PTPRN2: variants seen among roughly 807,000 people sequenced by gnomAD.
PTPRN2 encodes receptor-type tyrosine-protein phosphatase N2.
A neutral mutation model predicts 118.8 loss-of-function variants in PTPRN2; 74 were observed. The observed-to-expected ratio is 0.62, with a 90% CI of 0.52 to 0.76. The LOEUF (loss-of-function observed/expected upper bound fraction) is 0.76. Ranked by LOEUF, PTPRN2 falls within the 30% of genes least tolerant of loss-of-function variation. PTPRN2 has a pLI of 0.00. For synonymous variants in PTPRN2, 641 were observed against 608.0 expected (o/e 1.05, Z -0.80); for missense variants, 1,481 against 1,394.4 (o/e 1.06, Z -0.99).
At chr7:158,110,009 A>G (rs12698151) in intron 10 of PTPRN2, among the ~76,000 whole-genome samples, 1 of 76,674 alleles carries the variant, frequency 1.3e-5, no homozygotes, top group African/African-American at 3.4e-5. Flanking sequence ...GTGTGAAGGG[A>G]CCAGTGAGTG....
chr7:157,919,399 A>G (rs6970590), intron 11 of PTPRN2, among the ~76,000 whole-genome samples: 103,790 of 151,526 alleles, frequency 0.68, 36,511 homozygotes, highest in Admixed American at 0.79. Context: ...TGTGGGAGAT[A>G]CCGAAATGAT....
chr7:157,655,804 C>T (rs1176166391), intron 14 of PTPRN2, among the ~76,000 whole-genome samples: 3 of 152,114 alleles, frequency 2.0e-5, no homozygotes, highest in Non-Finnish European at 4.4e-5. Flanking sequence ...CGGCCACACA[C>T]GCGTGATCAC....
At chr7:158,261,552 G>C (rs1241427958) in intron 3 of PTPRN2, among the ~76,000 whole-genome samples, 1 of 152,176 alleles carries the variant, frequency 6.6e-6, no homozygotes, top group African/African-American at 2.4e-5. Flanking sequence ...CTGCCAGTTA[G>C]AGACAGAGGC....
rs145277141 is a variant in PTPRN2 at position 158,236,138 on chromosome 7, C to T, written c.278-30865G>A. On this transcript the variant is annotated intron_variant, in intron 3 of 22. Transcript: ENST00000389418. ...AGTAGATCCCAGGCACCATCACCATCGTCCTTGCCATTGCTGGCCGTCATC... is the reference window on the plus strand; with the variant it reads ...AGTAGATCCCAGGCACCATCACCATTGTCCTTGCCATTGCTGGCCGTCATC... Among the ~76,000 whole-genome samples, 436 of 152,314 alleles carry T rather than the reference C, an allele frequency of 2.9e-3. 5 individuals carry two copies. The highest frequency in any genetic ancestry group is 9.9e-3 in the African/African-American group (413 of 41,584).
rs932075014 is a variant in PTPRN2, at chr7:157,974,167, G to A, written c.1724-75430C>T. Among the ~76,000 whole-genome samples, 4 of 152,194 alleles carry A rather than the reference G, an allele frequency of 2.6e-5. No individual in the cohort carries two copies. The highest frequency in any genetic ancestry group is 6.5e-5 in the Admixed American group (1 of 15,288). On this transcript the variant is annotated intron_variant, in intron 11 of 22. Coordinates refer to ENST00000389418, the MANE Select transcript of PTPRN2 (RefSeq NM_002847.5). This position sits in a 1 kb window ranked among gnomAD's most constrained non-coding sequence, Gnocchi z 4.0. ...TCATGAGCGCCGGCCCTGCGGATCC[G>A]GCGATGATCATTGTGGAAAGAATGG...
chr7:158,001,368 T>C (rs887351036), intron 11 of PTPRN2, among the ~76,000 whole-genome samples: 7 of 151,968 alleles, frequency 4.6e-5, no homozygotes, highest in African/African-American at 1.7e-4. Flanking sequence ...AACCCAGAGG[T>C]AGAGTTCACG....
chr7:157,638,713 G>A (rs1804481688), intron 14 of PTPRN2, among the ~76,000 whole-genome samples: 1 of 152,264 alleles, frequency 6.6e-6, no homozygotes, highest in Non-Finnish European at 1.5e-5. Context: ...AGGGTTTGGA[G>A]GGTGAGGTGG....
intron 5 of PTPRN2, among the ~76,000 whole-genome samples, chr7:158,183,592 G>A (rs1313979958): frequency 2.0e-5 from 3 of 152,206 alleles, no homozygotes; most frequent in East Asian, 1.9e-4. Context: ...CTGGAGACTG[G>A]GAATGCACAC....
chr7:158,203,137 C>A (rs1437481403), intron 4 of PTPRN2, among the ~76,000 whole-genome samples: 1 of 138,030 alleles, frequency 7.2e-6, no homozygotes, highest in Non-Finnish European at 1.5e-5. Context: ...GAGGCTGAGG[C>A]AAGAGAATTG....
At chr7:158,107,115 C>T (rs1259388963) in intron 10 of PTPRN2, among the ~76,000 whole-genome samples, 5 of 152,128 alleles carry the variant, frequency 3.3e-5, no homozygotes, top group Non-Finnish European at 5.9e-5. Context: ...TAAGGGTCCA[C>T]GTGCCCCACA....
rs13225634 is a variant in PTPRN2, at chr7:157,725,610, C to G, written c.1789-42673G>C. Among the ~76,000 whole-genome samples the G allele has an allele frequency of 4.6e-3, 474 of 102,320 alleles. 2 individuals carry two copies. Among genetic ancestry groups the G allele is most frequent in the African/African-American group, 0.012 (304 of 24,938 alleles). 67.1% of individuals were successfully genotyped at this position (102,320 alleles called of 152,430 possible). The stretch of plus-strand genomic sequence containing the variant: ...TCCCAGGAGAACTGGATACCTACAC[C>G]CAGAGGAGTGTGGCCATACCCTCGC... On this transcript the variant is annotated intron_variant, in intron 12 of 22. Coordinates refer to ENST00000389418, the MANE Select transcript of PTPRN2 (RefSeq NM_002847.5).
At chr7:158,443,742 G>A (rs552567985) in intron 2 of PTPRN2, among the ~76,000 whole-genome samples, 2 of 152,314 alleles carry the variant, frequency 1.3e-5, no homozygotes, top group South Asian at 4.1e-4. Flanking sequence ...ACTCAGCAGG[G>A]AGGGTTCCAA....
chr7:157,549,321 TC>T (rs1245185886), intron 21 of PTPRN2, among the ~76,000 whole-genome samples: 29 of 125,614 alleles, frequency 2.3e-4, no homozygotes, highest in African/African-American at 6.8e-4. Context: ...TTCTTTCTTT[TC>T]TTTTTTTTTT....
chr7:158,512,266 A>G (rs1823234064), intron 1 of PTPRN2, among the ~76,000 whole-genome samples: 2 of 152,214 alleles, frequency 1.3e-5, no homozygotes, highest in African/African-American at 4.8e-5. Flanking sequence ...TTGTTTCCCA[A>G]GAGGTACCAG....
At position 157,990,190 on chromosome 7, in the gene PTPRN2, G is replaced by C. The variant is rs182994970; in HGVS notation, c.1723+91108C>G. Among the ~76,000 whole-genome samples, 232 of 152,132 alleles carry C rather than the reference G, an allele frequency of 1.5e-3. No homozygotes were observed. The highest frequency in any genetic ancestry group is 6.8e-3 in the Middle Eastern group (2 of 294). Reference sequence around the variant, plus strand: ...TTAATGTGAGTGCGAGCCCAGGGCAGAGCGGGCCCAGATAAATAATTCATG... The same window carrying C: ...TTAATGTGAGTGCGAGCCCAGGGCACAGCGGGCCCAGATAAATAATTCATG... On this transcript the variant is annotated intron_variant, in intron 11 of 22. Transcript: ENST00000389418. The surrounding 1 kb of genome is among the most constrained non-coding windows in gnomAD (Gnocchi z 4.3).
chr7:157,563,806 G>A (rs1183441425), intron 21 of PTPRN2, among the ~76,000 whole-genome samples: 6 of 149,820 alleles, frequency 4.0e-5, no homozygotes, highest in Admixed American at 6.6e-5. Context: ...AGCAGATCAG[G>A]ACCACGTGCT....
chr7:158,532,777 T>C, intron 1 of PTPRN2: 3 of 534,748 alleles, frequency 5.6e-6, no homozygotes, highest in South Asian at 4.2e-5. Flanking sequence ...CAAGACTACA[T>C]TGAGCGTGCT....
At chr7:158,070,617 T>C (rs1811230091) in intron 11 of PTPRN2, among the ~76,000 whole-genome samples, 1 of 116,612 alleles carries the variant, frequency 8.6e-6, no homozygotes, top group Non-Finnish European at 1.7e-5. Context: ...CTCCTGGTGG[T>C]GGAGGTGCCC....
chr7:158,352,717 C>A (rs1563191625), intron 2 of PTPRN2, among the ~76,000 whole-genome samples: 1 of 152,206 alleles, frequency 6.6e-6, no homozygotes, highest in Non-Finnish European at 1.5e-5. Flanking sequence ...CACACCTGAG[C>A]CTCAAAGCTC....
Sources: gnomAD v4.1 joint callset for allele counts (sites outside exome capture counted in the v4.1 genomes callset) on GRCh38, gnomAD v4.1.1 for gene constraint, Gnocchi (gnomAD v3.1) non-coding constraint, MANE v1.5 for transcripts, NCBI Gene and HGNC (gene_info 2026-07-23, HGNC 2026-07-21) for gene names.